Variants in RTF1 observed in about 807,000 individuals in gnomAD.
RTF1 encodes RTF1 homolog, Paf1/RNA polymerase II complex component.
Under a neutral mutation model 95.7 loss-of-function variants are expected in RTF1, and 10 were observed. The ratio of observed to expected loss-of-function variants is 0.10; its 90% CI spans 0.06 to 0.18. The LOEUF (loss-of-function observed/expected upper bound fraction) is 0.18, where lower values mean the gene tolerates loss of function less well. RTF1 is among the 10% of genes least tolerant of loss of function. The pLI, the probability that RTF1 is intolerant of heterozygous loss-of-function variation, is 1.00. For synonymous variants in RTF1, 305 were observed against 311.8 expected (o/e 0.98, Z 0.23); for missense variants, 458 against 875.6 (o/e 0.52, Z 6.02).
At chr15:41,470,834 A>G (rs2050907728) in intron 7 of RTF1, among the ~76,000 whole-genome samples, 2 of 151,226 alleles carry the variant, frequency 1.3e-5, no homozygotes, top group South Asian at 4.2e-4. Context: ...AATTTTTTGT[A>G]TTTTTAATAG....
chr15:41,441,764 A>G (rs2050737223), intron 2 of RTF1, among the ~76,000 whole-genome samples: 1 of 152,202 alleles, frequency 6.6e-6, no homozygotes, highest in African/African-American at 2.4e-5. Flanking sequence ...TTTCCCCTAC[A>G]GGATTCTTAG....
rs2050703188 is a variant in RTF1, at chr15:41,436,449, T to TC, written c.199-1870dup. On this transcript the variant is annotated intron_variant, in intron 1 of 17. Transcript: ENST00000389629. ...TCTAGCCTGGGTGACAGAGCGAGAC[T>TC]CCGTCTCAAAAAAAAAAAAAAAAAA... Among the ~76,000 whole-genome samples the TC allele has an allele frequency of 2.2e-5, 3 of 135,158 alleles. No homozygotes were observed. In the South Asian group the frequency reaches 7.1e-4, roughly 32 times the overall value. 88.7% of individuals were successfully genotyped at this position (135,158 alleles called of 152,430 possible).
intron 1 of RTF1, among the ~76,000 whole-genome samples, chr15:41,430,719 C>T (rs531381620): frequency 2.0e-5 from 3 of 151,750 alleles, no homozygotes; most frequent in South Asian, 2.1e-4. Context: ...CTTGTCTAGG[C>T]GACAGACCAA....
intron 2 of RTF1, among the ~76,000 whole-genome samples, chr15:41,451,991 A>T (rs1236641395): frequency 6.6e-6 from 1 of 152,118 alleles, no homozygotes; most frequent in African/African-American, 2.4e-5. Flanking sequence ...TGAGCCCAGG[A>T]GTTCAAGGCC....
rs573704135 is a variant in RTF1 at position 41,422,039 on chromosome 15, A to G, written c.198+4726A>G. On this transcript the variant is annotated intron_variant, in intron 1 of 17. Coordinates refer to ENST00000389629, the MANE Select transcript of RTF1 (RefSeq NM_015138.5). ...TATTTATTTATTTGTTTGTTTGTTT[A>G]TTTATTTATTTTTGAGATGGAGTCT... Among the ~76,000 whole-genome samples, 15 of 151,724 alleles carry G rather than the reference A, an allele frequency of 9.9e-5. No individual in the cohort carries two copies. The East Asian group carries it at 1.2e-3, about 12-fold the overall frequency.
chr15:41,472,966 G>T (rs2050921632), intron 8 of RTF1, among the ~76,000 whole-genome samples: 1 of 152,048 alleles, frequency 6.6e-6, no homozygotes, highest in Non-Finnish European at 1.5e-5. Flanking sequence ...CTCCCAAAGT[G>T]CTGGGATTAC....
At chr15:41,471,734 T>C (rs2140652353) in intron 8 of RTF1, among the ~76,000 whole-genome samples, 1 of 152,250 alleles carries the variant, frequency 6.6e-6, no homozygotes, top group East Asian at 1.9e-4. Context: ...GGGAATTGTA[T>C]TGAGGTTAAA....
chr15:41,441,998 A>T (rs1182322362), intron 2 of RTF1, among the ~76,000 whole-genome samples: 1 of 152,180 alleles, frequency 6.6e-6, no homozygotes, highest in Admixed American at 6.6e-5. Context: ...TCAGAAAATA[A>T]CTATTAAAAT....
At chr15:41,445,614 AAAGAAAGCT>A (rs1190813437) in intron 2 of RTF1, among the ~76,000 whole-genome samples, 9 of 152,208 alleles carry the variant, frequency 5.9e-5, no homozygotes, top group Non-Finnish European at 8.8e-5. Context: ...GTAGAAAGGA[AAAGAAAGCT>A]AAGAAAGCTA....
rs2050958345 is a variant in RTF1, at chr15:41,479,330, A to G, written c.1914+132A>G. 2.6e-5 allele frequency: 16 copies of G among 614,500 alleles called. No homozygotes were observed. In the South Asian group the frequency reaches 2.8e-4, roughly 11 times the overall value. The allele number at this position is 614,500 out of a possible 1,614,324, so 38.1% of individuals were successfully genotyped here. On this transcript the variant is annotated intron_variant, in intron 16 of 17. Transcript: ENST00000389629. ...GAGTCCCTCTTGGAGTCCCTTCTCC[A>G]TCCCAGTTATTTACAGATATAATCA...
intron 2 of RTF1, among the ~76,000 whole-genome samples, chr15:41,443,115 T>G (rs550360646): frequency 6.6e-6 from 1 of 152,126 alleles, no homozygotes; most frequent in Admixed American, 6.6e-5. Context: ...GGTAATTTGT[T>G]TATAAAATCA....
At position 41,449,164 on chromosome 15, in the gene RTF1, G is replaced by A. The variant is rs191021971; in HGVS notation, c.310-3737G>A. ...CTCCCAAAGTGCTAGGATTTCAGGC[G>A]TGAGCCACTGCGCCCAGCCTATTTT... On this transcript the variant is annotated intron_variant, in intron 2 of 17. Coordinates refer to ENST00000389629, the MANE Select transcript of RTF1 (RefSeq NM_015138.5). 3.1e-3 allele frequency among the ~76,000 whole-genome samples: 468 copies of A among 151,682 alleles called. 1 individual carries two copies. Among genetic ancestry groups the A allele is most frequent in the Non-Finnish European group, 4.3e-3 (295 of 67,972 alleles).
intron 12 of RTF1, among the ~76,000 whole-genome samples, 197 bp from the exon 13 acceptor site, chr15:41,476,968 T>C (rs2050944771): frequency 6.6e-6 from 1 of 152,238 alleles, no homozygotes; most frequent in South Asian, 2.1e-4. Flanking sequence ...TGGGAAGGTG[T>C]TCCCCACTGT....
intron 2 of RTF1, 81 bp from the exon 3 acceptor site, chr15:41,452,820 T>A: frequency 1.9e-6 from 2 of 1,030,904 alleles, no homozygotes; most frequent in Non-Finnish European, 2.7e-6. Context: ...TGCCAGAGAC[T>A]CTTAACTCTT....
intron 14 of RTF1, among the ~76,000 whole-genome samples, chr15:41,478,072 T>C (rs974360745): frequency 2.7e-5 from 4 of 150,528 alleles, no homozygotes; most frequent in African/African-American, 9.8e-5. Context: ...CACTGCACTT[T>C]AGCCTGGGCA....
rs1595422377 is a variant in RTF1, at chr15:41,423,897, T to C, written c.198+6584T>C. ...CCTCCCAAGTAGCTGGGATTACAGG[T>C]ATGCACCACCATGCCCGACTAATTT... On this transcript the variant is annotated intron_variant, in intron 1 of 17. Transcript: ENST00000389629. 2.0e-5 allele frequency among the ~76,000 whole-genome samples: 3 copies of C among 151,968 alleles called. No individual in the cohort carries two copies. In the East Asian group the frequency reaches 5.8e-4, roughly 29 times the overall value.
chr15:41,476,714 A>G (rs2050943349), intron 12 of RTF1, among the ~76,000 whole-genome samples, 191 bp downstream of exon 12: 1 of 152,158 alleles, frequency 6.6e-6, no homozygotes, highest in African/African-American at 2.4e-5. Flanking sequence ...ATTCAAACTC[A>G]TCTTCTGCGT....
rs1412869135 is a variant in RTF1, at chr15:41,482,240, A to G, written c.*1553A>G. On this transcript the variant is annotated 3_prime_UTR_variant, in exon 18 of 18. Coordinates refer to ENST00000389629, the MANE Select transcript of RTF1 (RefSeq NM_015138.5). The stretch of plus-strand genomic sequence containing the variant: ...AAAGAGATAAACTGACTGCTTGATA[A>G]TCACTCTCAGGTGTAAAGCTCCAAG... The G allele has an allele frequency of 6.6e-6, 1 of 152,650 alleles. No individual in the cohort carries two copies. Among genetic ancestry groups the G allele is most frequent in the Non-Finnish European group, 1.5e-5 (1 of 68,046 alleles). The allele number at this position is 152,650 out of a possible 1,614,324, so 9.5% of individuals were successfully genotyped here.
At chr15:41,427,301 G>A (rs145217155) in intron 1 of RTF1, among the ~76,000 whole-genome samples, 2,511 of 148,962 alleles carry the variant, frequency 0.017, 79 homozygotes, top group African/African-American at 0.059. Context: ...ACAGGCACCC[G>A]CCACCATGCC....
Sources: allele counts gnomAD v4.1 joint callset (sites outside exome capture counted in the v4.1 genomes callset), GRCh38; gene constraint gnomAD v4.1.1; transcripts MANE v1.5; gene names NCBI Gene and HGNC (gene_info 2026-07-23, HGNC 2026-07-21).